The following EPHB4 variants were observed in gnomAD, a reference collection of about 807,000 sequenced individuals.
EPHB4 encodes the protein ephrin type-B receptor 4.
EPHB4 carries 50 observed loss-of-function variants against 110.6 expected under a neutral mutation model. That is an observed-to-expected ratio of 0.45 (90% CI 0.36 to 0.57). The LOEUF (loss-of-function observed/expected upper bound fraction) is 0.57. Among genes scored for constraint, EPHB4 ranks in the 20% least tolerant of loss-of-function variants. EPHB4 has a pLI of 0.00. For missense variants in EPHB4, 1,128 were observed against 1,382.1 expected, an observed-to-expected ratio of 0.82 and a Z score of 2.91; for synonymous variants, 592 against 578.4, an observed-to-expected ratio of 1.02 and a Z score of -0.34.
In EPHB4 at chr7:100,819,941, G is replaced by C. The variant is rs572868922; in HGVS notation, c.965-52C>G. 2.4e-4 allele frequency: 355 copies of C among 1,504,650 alleles called. 1 individual carries two copies. Among genetic ancestry groups the C allele is most frequent in the Non-Finnish European group, 3.0e-4 (340 of 1,121,078 alleles). The allele number at this position is 1,504,650 out of a possible 1,614,324, so 93.2% of individuals were successfully genotyped here. On this transcript the variant is annotated intron_variant, in intron 5 of 16. Coordinates refer to ENST00000358173, the MANE Select transcript of EPHB4 (RefSeq NM_004444.5). ...AGGCCGACCTGCTCTGCGGTGGTGG[G>C]GAGAGGGCAATGGAGGCACCAGCAG... is the stretch of plus-strand genomic sequence containing the variant.
At chr7:100,811,475 C>T (rs1812932248) in intron 12 of EPHB4, among the ~76,000 whole-genome samples, 3 of 152,088 alleles carry the variant, frequency 2.0e-5, no homozygotes, top group African/African-American at 7.2e-5. Flanking sequence ...ACCCTCTGCT[C>T]CCCAAGAGGA....
At position 100,812,659 on chromosome 7, in the gene EPHB4, C is replaced by T. The variant is rs907894992; in HGVS notation, c.2118+88G>A. 22 of 1,520,790 alleles carry T rather than the reference C, an allele frequency of 1.4e-5. No homozygotes were observed. In the African/African-American group the frequency reaches 2.9e-4, roughly 20 times the overall value. 94.2% of individuals were successfully genotyped at this position (1,520,790 alleles called of 1,614,324 possible). A position where few individuals can be genotyped will look rare whatever the true frequency, so the allele number is the denominator to read the frequency against. ...AGGCTGGAGGAGGTGACCTGGGACC[C>T]ACTGTCTGTCCTGGCTTCTTAACCC... On this transcript the variant is annotated intron_variant, in intron 12 of 16. Transcript: ENST00000358173.
chr7:100,804,082 A>G (rs1471718940), intron 16 of EPHB4, among the ~76,000 whole-genome samples: 1 of 152,282 alleles, frequency 6.6e-6, no homozygotes, highest in East Asian at 1.9e-4. Context: ...CCCGTGGGGC[A>G]GGGGCAGACT....
In EPHB4 at chr7:100,822,455, C is replaced by A. The variant is rs200156491; in HGVS notation, c.624G>T (p.Pro208=). The A allele has an allele frequency of 3.1e-6, 5 of 1,607,458 alleles. No individual in the cohort carries two copies. The Admixed American group carries it at 8.4e-5, about 27-fold the overall frequency. ...CAACCAGCTCCCGAGGCACAGTCTC[C>A]GGGAATCGAGTCAGGTTCACAGTCA... ...AQLTVNLTRF[P]ETVPRELVVP... The change falls in exon 4 of 17, where the codon CCG becomes CCT. Residue 208 remains proline, a synonymous_variant. Coordinates refer to ENST00000358173, the MANE Select transcript of EPHB4 (RefSeq NM_004444.5). The surrounding 1 kb of genome is among the most constrained non-coding windows in gnomAD (Gnocchi z 4.7).
Position 100,807,390 on chromosome 7 carries a change from G to A in EPHB4, c.2309C>T (p.Ser770Phe). The change falls in exon 13 of 17, where the codon TCC becomes TTC. Residue 770 changes from serine (S) to phenylalanine (F), a missense_variant. By Grantham distance (155) the Ser-to-Phe change is radical (BLOSUM62 -2). Transcript: ENST00000358173. ...CAGGGAGCTCGTGTAGGTGGGATCG[G>A]AAGAGTTCTCCTCCAGGAATCGGGA... ...GLSRFLEENS[S>F]DPTYTSSLGG... 1 of 1,613,880 alleles carries A rather than the reference G, an allele frequency of 6.2e-7. No homozygotes were observed. The highest frequency in any genetic ancestry group is 8.5e-7 in the Non-Finnish European group (1 of 1,179,988).
At chr7:100,804,269 G>A (rs1469083880) in intron 16 of EPHB4, among the ~76,000 whole-genome samples, 1 of 150,116 alleles carries the variant, frequency 6.7e-6, no homozygotes, top group Non-Finnish European at 1.5e-5. Context: ...CCAAAGTGCT[G>A]AGATTACAGG....
At chr7:100,819,244 C>G (rs973355771) in intron 6 of EPHB4, among the ~76,000 whole-genome samples, 5 of 152,052 alleles carry the variant, frequency 3.3e-5, no homozygotes, top group Non-Finnish European at 7.4e-5. Flanking sequence ...TCTTGAGTAG[C>G]TGGGACCACA....
At position 100,822,392 on chromosome 7, in the gene EPHB4, G is replaced by A. The variant is rs560526074; in HGVS notation, c.687C>T (p.Pro229=). 1.7e-4 allele frequency: 265 copies of A among 1,574,656 alleles called. No individual in the cohort carries two copies. The South Asian group carries it at 2.7e-3, about 16-fold the overall frequency. ...AGAGGCTGGGGCTGGGGCCAGGGGCGGGGACGGCATCCACCACGCAGCTAC... is the reference window on the plus strand; with the variant it reads ...AGAGGCTGGGGCTGGGGCCAGGGGCAGGGACGGCATCCACCACGCAGCTAC... ...VAGSCVVDAV[P]APGPSPSLYC... The change falls in exon 4 of 17, where the codon CCC becomes CCT. Residue 229 remains proline, a synonymous_variant. Coordinates refer to ENST00000358173, the MANE Select transcript of EPHB4 (RefSeq NM_004444.5). This position sits in a 1 kb window ranked among gnomAD's most constrained non-coding sequence, Gnocchi z 4.7.
intron 16 of EPHB4, 112 bp from the exon 17 acceptor site, chr7:100,803,702 A>T: frequency 7.6e-7 from 1 of 1,323,062 alleles, no homozygotes; most frequent in Non-Finnish European, 9.9e-7. Context: ...CAGAAAAGCC[A>T]GCGGGGGAGG....
intron 8 of EPHB4, among the ~76,000 whole-genome samples, chr7:100,815,161 A>T (rs1813036472): frequency 6.6e-6 from 1 of 151,906 alleles, no homozygotes; most frequent in Non-Finnish European, 1.5e-5. Flanking sequence ...TTTACAAAAA[A>T]TACCAAAAAA....
chr7:100,804,560 C>T (rs1234897459), intron 16 of EPHB4, among the ~76,000 whole-genome samples: 1 of 152,014 alleles, frequency 6.6e-6, no homozygotes, highest in Non-Finnish European at 1.5e-5. Flanking sequence ...AGTGATCTGC[C>T]CACCTCGGCC....
rs557834060 is a variant in EPHB4, at chr7:100,812,967, C to T, written c.1898G>A (p.Arg633Gln). The stretch of plus-strand genomic sequence containing the variant: ...CTCCTTCTTCCCTGGGGCCTTGAGC[C>T]GCCCCCGGCACACCTCGCCAAACTC... ...AGEFGEVCRG[R>Q]LKAPGKKESC... Residue 633 changes from arginine (R) to glutamine (Q), a missense_variant, in exon 12 of 17, where the codon CGG (arginine) becomes CAG (glutamine). Physicochemically the swap from Arg to Gln is conservative, Grantham distance 43. Coordinates refer to ENST00000358173, the MANE Select transcript of EPHB4 (RefSeq NM_004444.5). 30 of 1,613,814 alleles carry T rather than the reference C, an allele frequency of 1.9e-5. No homozygotes were observed. Among genetic ancestry groups the T allele is most frequent in the Non-Finnish European group, 2.5e-5 (29 of 1,179,864 alleles).
rs114437830 is a variant in EPHB4, at chr7:100,818,451, A to G, written c.1422+69T>C. ...TTCAAATGCCTGCCAGGTGCCTGCAACCCAGGTGTCCCAGCCAGGAGAGCA... is the reference window on the plus strand; with the variant it reads ...TTCAAATGCCTGCCAGGTGCCTGCAGCCCAGGTGTCCCAGCCAGGAGAGCA... On this transcript the variant is annotated intron_variant, in intron 7 of 16. Transcript: ENST00000358173. 6.3e-4 allele frequency: 988 copies of G among 1,578,002 alleles called. 5 individuals carry two copies. The African/African-American group carries it at 0.01, about 16-fold the overall frequency.
rs937992856 is a variant in EPHB4, at chr7:100,822,410, G to A, written c.669C>T (p.Cys223=). The A allele has an allele frequency of 1.0e-5, 16 of 1,586,368 alleles. No homozygotes were observed. Among genetic ancestry groups the A allele is most frequent in the Admixed American group, 1.8e-5 (1 of 56,050 alleles). The change falls in exon 4 of 17, where the codon TGC becomes TGT. Residue 223 remains cysteine (C), a synonymous_variant. Coordinates refer to ENST00000358173, the MANE Select transcript of EPHB4 (RefSeq NM_004444.5). This position sits in a 1 kb window ranked among gnomAD's most constrained non-coding sequence, Gnocchi z 4.7. The part of the protein sequence containing the change: ...RELVVPVAGS[C]VVDAVPAPGP... The stretch of plus-strand genomic sequence containing the variant: ...CAGGGGCGGGGACGGCATCCACCAC[G>A]CAGCTACCGGCCACGGGCACAACCA...
intron 1 of EPHB4, 105 bp downstream of exon 1, chr7:100,826,874 C>T: frequency 7.4e-7 from 1 of 1,351,078 alleles, no homozygotes; most frequent in Non-Finnish European, 1.0e-6. Context: ...ACTGCAGTGC[C>T]CGGGTAGGGG....
At chr7:100,813,799 T>C (rs1037247593) in intron 9 of EPHB4, 83 bp from the exon 10 acceptor site, 23 of 1,605,608 alleles carry the variant, frequency 1.4e-5, no homozygotes, top group East Asian at 2.2e-5. Flanking sequence ...GGAGCAGGGA[T>C]TGGAGAAGAT....
chr7:100,803,478 G>C lies in EPHB4; in HGVS notation c.2947C>G (p.Pro983Ala), dbSNP rs1046460658. ...CCTGCAGGTCAGTACTGCGGGGCCG[G>C]TCCTCCTGTCCCACCCGGGGTTCCC... ...KPGTPGGTGGPAPQY is the reference protein window; with the variant it reads ...KPGTPGGTGGAAPQY The change falls in exon 17 of 17, where the codon CCG becomes GCG. Residue 983 changes from proline (P) to alanine (A), a missense_variant. Physicochemically the swap from Pro to Ala is conservative, Grantham distance 27. Coordinates refer to ENST00000358173, the MANE Select transcript of EPHB4 (RefSeq NM_004444.5). 17 of 1,576,172 alleles carry C rather than the reference G, an allele frequency of 1.1e-5. No homozygotes were observed. Among genetic ancestry groups the C allele is most frequent in the Non-Finnish European group, 1.3e-5 (15 of 1,158,248 alleles).
chr7:100,819,999 C>A (rs2116451493), intron 5 of EPHB4, 110 bp from the exon 6 acceptor site: 1 of 1,474,850 alleles, frequency 6.8e-7, no homozygotes. Flanking sequence ...AGACAGTGGG[C>A]TCCACATGTT....
At chr7:100,805,054 A>G (rs1812786180) in intron 16 of EPHB4, 112 bp downstream of exon 16, 1 of 1,358,188 alleles carries the variant, frequency 7.4e-7, no homozygotes, top group African/African-American at 1.5e-5. Context: ...GCGCAGTGCA[A>G]GAAGACAGCA....
Sources: gnomAD v4.1 joint callset for allele counts (sites outside exome capture counted in the v4.1 genomes callset) on GRCh38, gnomAD v4.1.1 for gene constraint, Gnocchi (gnomAD v3.1) non-coding constraint, MANE v1.5 for transcripts, NCBI Gene and HGNC (gene_info 2026-07-23, HGNC 2026-07-21) for gene names.